The following VWA2 variants were observed in gnomAD, a reference collection of about 807,000 sequenced individuals.
The protein encoded by VWA2 is von Willebrand factor A domain containing 2.
VWA2 carries 73 observed loss-of-function variants against 70.4 expected under a neutral mutation model. The ratio of observed to expected loss-of-function variants is 1.04; its 90% confidence interval spans 0.86 to 1.26. The LOEUF is 1.26. VWA2 is among the 50% of genes most tolerant of loss of function. VWA2 has a pLI of 0.00. For synonymous variants in VWA2, 407 were observed against 423.3 expected (o/e 0.96, Z 0.47); for missense variants, 1,011 against 998.5 (o/e 1.01, Z -0.17).
At chr10:114,257,578 G>A (rs2037357806) in intron 4 of VWA2, among the ~76,000 whole-genome samples, 2 of 152,178 alleles carry the variant, frequency 1.3e-5, no homozygotes, top group Admixed American at 1.3e-4. Context: ...TGGAAGAACT[G>A]GGGCTTTTGA....
In VWA2 at chr10:114,292,061, G is replaced by A. The variant is rs1589861072; in HGVS notation, c.*824G>A. Among the ~76,000 whole-genome samples the A allele has an allele frequency of 1.3e-5, 2 of 152,132 alleles. No homozygotes were observed. Among genetic ancestry groups the A allele is most frequent in the Admixed American group, 6.5e-5 (1 of 15,274 alleles). ...GGAGGCTGAGGCAGGTGGATCACCC[G>A]AGGTCAGGAGTTTGAGACCAGCCTG... On this transcript the variant is annotated 3_prime_UTR_variant, in exon 14 of 14. Transcript: ENST00000392982.
At chr10:114,284,082 T>G (rs1589798637) in intron 9 of VWA2, among the ~76,000 whole-genome samples, 1 of 152,228 alleles carries the variant, frequency 6.6e-6, no homozygotes, top group Non-Finnish European at 1.5e-5. Context: ...TTTGTAATAA[T>G]TGATAAGGAA....
At chr10:114,262,205 A>G (rs113072966) in intron 5 of VWA2, among the ~76,000 whole-genome samples, 3 of 152,102 alleles carry the variant, frequency 2.0e-5, no homozygotes, top group African/African-American at 7.2e-5. Flanking sequence ...ATATAGTCAT[A>G]TGTTTACTTA....
At chr10:114,243,260 T>C (rs148301920) in intron 1 of VWA2, among the ~76,000 whole-genome samples, 1 of 152,224 alleles carries the variant, frequency 6.6e-6, no homozygotes, top group Non-Finnish European at 1.5e-5. Flanking sequence ...ACAAATGGCA[T>C]GTTGCTTATT....
intron 8 of VWA2, chr10:114,280,916 T>A (rs978419129): frequency 8.6e-5 from 13 of 151,990 alleles, no homozygotes; most frequent in African/African-American, 2.7e-4. Context: ...TTTTTAAGAT[T>A]TTTTTTTATA....
In VWA2 at chr10:114,286,032, T is replaced by G; in HGVS notation, c.1091T>G (p.Val364Gly). Residue 364 changes from valine (V) to glycine (G), a missense_variant, in exon 11 of 14, where the codon GTC becomes GGC. By Grantham distance (109) the Val-to-Gly change is moderately radical. Transcript: ENST00000392982. ...CTGGACGGCTTCCTGCGGGCCAAAG[T>G]CTTCGTGAAGCGGTTTGTGCGGGCC... ...TTLDGFLRAKVFVKRFVRAVL... is the reference protein window; with the variant it reads ...TTLDGFLRAKGFVKRFVRAVL... 6.2e-7 allele frequency: 1 copy of G among 1,614,138 alleles called. No homozygotes were observed. Among genetic ancestry groups the G allele is most frequent in the Non-Finnish European group, 8.5e-7 (1 of 1,180,016 alleles).
intron 9 of VWA2, 89 bp downstream of exon 9, chr10:114,282,660 G>C: frequency 8.3e-7 from 1 of 1,200,972 alleles, no homozygotes. Flanking sequence ...CTGGGACAGA[G>C]GGTGGGGTTG....
At chr10:114,244,357 C>A (rs935408654) in intron 1 of VWA2, among the ~76,000 whole-genome samples, 1 of 152,188 alleles carries the variant, frequency 6.6e-6, no homozygotes, top group Non-Finnish European at 1.5e-5. Flanking sequence ...TGTTGAACAT[C>A]CTGTGGCAGC....
At chr10:114,270,875 G>C (rs1025153114) in intron 5 of VWA2, among the ~76,000 whole-genome samples, 1 of 152,074 alleles carries the variant, frequency 6.6e-6, no homozygotes, top group Admixed American at 6.6e-5. Flanking sequence ...AGCTCTGCTC[G>C]CTAGCTCCAG....
intron 9 of VWA2, 107 bp downstream of exon 9, chr10:114,282,678 C>A (rs1320396935): frequency 5.1e-6 from 5 of 973,862 alleles, no homozygotes; most frequent in Non-Finnish European, 8.2e-6. Context: ...TTGTGACTGG[C>A]TCCAGGGCAG....
intron 1 of VWA2, among the ~76,000 whole-genome samples, chr10:114,243,842 A>T (rs185744726): frequency 2.0e-5 from 3 of 152,276 alleles, no homozygotes; most frequent in Admixed American, 2.0e-4. Flanking sequence ...CCTGCAGCAG[A>T]CTTCACATGC....
intron 1 of VWA2, chr10:114,246,182 G>A (rs902880698): frequency 5.3e-5 from 63 of 1,180,246 alleles, no homozygotes; most frequent in East Asian, 1.0e-4. Flanking sequence ...TGAGGCAAAC[G>A]TACACCAAGA....
intron 5 of VWA2, among the ~76,000 whole-genome samples, chr10:114,268,718 G>A (rs1446092821): frequency 2.0e-5 from 3 of 147,150 alleles, no homozygotes; most frequent in East Asian, 4.1e-4. Flanking sequence ...TTTTTGAGAC[G>A]GAGTCTCGCT....
chr10:114,278,943 G>A, intron 8 of VWA2, 92 bp downstream of exon 8: 1 of 1,557,846 alleles, frequency 6.4e-7, no homozygotes, highest in South Asian at 1.2e-5. Flanking sequence ...GCCCTGCCAT[G>A]GAGATTGTGA....
chr10:114,243,690 C>T (rs1423663534), intron 1 of VWA2, among the ~76,000 whole-genome samples: 2 of 152,248 alleles, frequency 1.3e-5, no homozygotes, highest in East Asian at 3.8e-4. Flanking sequence ...AGAAGGCAGA[C>T]ATTATCCTGC....
At position 114,276,562 on chromosome 10, in the gene VWA2, G is replaced by A. The variant is rs189387956; in HGVS notation, c.567-1352G>A. ...CACCCAGGCTGGAATGCAGTGGCAC[G>A]ATCATGGCTAACTGCAGCCCTGACC... On this transcript the variant is annotated intron_variant, in intron 6 of 13. Coordinates refer to ENST00000392982, the MANE Select transcript of VWA2 (RefSeq NM_001272046.2). Among the ~76,000 whole-genome samples, 197 of 151,932 alleles carry A rather than the reference G, an allele frequency of 1.3e-3. 3 individuals carry two copies. Among genetic ancestry groups the A allele is most frequent in the African/African-American group, 4.5e-3 (187 of 41,440 alleles).
intron 1 of VWA2, among the ~76,000 whole-genome samples, chr10:114,242,749 G>A (rs1414888342): frequency 6.6e-6 from 1 of 152,170 alleles, no homozygotes; most frequent in Non-Finnish European, 1.5e-5. Flanking sequence ...CATCTATAAA[G>A]ATGTAAATGA....
chr10:114,255,207 T>A (rs1349326452), intron 4 of VWA2, among the ~76,000 whole-genome samples, 159 bp downstream of exon 4: 1 of 151,186 alleles, frequency 6.6e-6, no homozygotes, highest in African/African-American at 2.4e-5. Flanking sequence ...AGGGCTGAGT[T>A]GAGGCTATAA....
Position 114,285,922 on chromosome 10 carries a change from T to G in VWA2, c.998-17T>G, listed in dbSNP as rs1192439115. 1 of 1,568,578 alleles carries G rather than the reference T, an allele frequency of 6.4e-7. No individual in the cohort carries two copies. The highest frequency in any genetic ancestry group is 1.3e-5 in the African/African-American group (1 of 74,296). On this transcript the variant is annotated splice_polypyrimidine_tract_variant and intron_variant, in intron 10 of 13. Coordinates refer to ENST00000392982, the MANE Select transcript of VWA2 (RefSeq NM_001272046.2). Reference sequence around the variant, plus strand: ...ATGACCATGGCTTGACAGTGGGTGTTGCTGTGATCCCCGCAGCCCTGAAGC... The same window carrying G: ...ATGACCATGGCTTGACAGTGGGTGTGGCTGTGATCCCCGCAGCCCTGAAGC...
Sources: gnomAD v4.1 joint callset for allele counts (sites outside exome capture counted in the v4.1 genomes callset) on GRCh38, gnomAD v4.1.1 for gene constraint, MANE v1.5 for transcripts, NCBI Gene and HGNC (gene_info 2026-07-23, HGNC 2026-07-21) for gene names.